SOS2: variants seen among roughly 807,000 people sequenced by gnomAD.
SOS2 encodes the protein SOS Ras/Rho guanine nucleotide exchange factor 2.
In SOS2, 65 loss-of-function variants were observed where a neutral mutation model predicts 148.2. That is an observed-to-expected ratio of 0.44 (90% CI 0.36 to 0.54). The LOEUF is 0.54. Ranked by LOEUF, SOS2 falls within the 20% of genes least tolerant of loss-of-function variation. The pLI, the probability that SOS2 is intolerant of heterozygous loss-of-function variation, is 0.00. For synonymous variants in SOS2, 539 were observed against 537.1 expected, an observed-to-expected ratio of 1.00 and a Z score of -0.05; for missense variants, 1,341 against 1,590.2, an observed-to-expected ratio of 0.84 and a Z score of 2.67.
chr14:50,153,324 C>T lies in SOS2; in HGVS notation c.2058-151G>A, dbSNP rs930864857. ...CTGTATTTAATTAATACTTTAAATG[C>T]TTCAATGACAAGAGGAGAGTAGGTC... On this transcript the variant is annotated intron_variant, in intron 12 of 22. Coordinates refer to ENST00000216373, the MANE Select transcript of SOS2 (RefSeq NM_006939.4). The T allele has an allele frequency of 1.7e-5, 8 of 460,406 alleles. No homozygotes were observed. In the South Asian group the frequency reaches 3.8e-4, roughly 22 times the overall value. The allele number at this position is 460,406 out of a possible 1,614,324, so 28.5% of individuals were successfully genotyped here.
chr14:50,139,965 T>C lies in SOS2; in HGVS notation c.2762A>G (p.Asn921Ser), dbSNP rs753057838. 17 of 1,581,510 alleles carry C rather than the reference T, an allele frequency of 1.1e-5. No homozygotes were observed. The highest frequency in any genetic ancestry group is 1.0e-4 in the Admixed American group (6 of 59,632). The change falls in exon 17 of 23, where the codon AAT (asparagine) becomes AGT (serine). Residue 921 changes from asparagine (N) to serine (S), a missense_variant. By Grantham distance (46) the Asn-to-Ser change is conservative. Around this residue, in one of 4 missense-constraint regions of SOS2, gnomAD observed 408 missense variants for 506.6 expected, o/e 0.81. Coordinates refer to ENST00000216373, the MANE Select transcript of SOS2 (RefSeq NM_006939.4). ...ACCAAAAAAAGGCACACAAGGTGGA[T>C]TGATTGACTTAAGTTTTACTAGGTA... ...KKYLVKLKSINPPCVPFFGIY... is the reference protein window; with the variant it reads ...KKYLVKLKSISPPCVPFFGIY...
intron 4 of SOS2, among the ~76,000 whole-genome samples, chr14:50,192,566 C>A (rs1011401873): frequency 1.3e-5 from 2 of 150,218 alleles, no homozygotes; most frequent in African/African-American, 4.9e-5. Flanking sequence ...TAAAAAAAAA[C>A]AAAAACAAAA....
chr14:50,168,841 C>A (rs992081331), intron 8 of SOS2, among the ~76,000 whole-genome samples: 2 of 152,056 alleles, frequency 1.3e-5, no homozygotes, highest in Non-Finnish European at 2.9e-5. Flanking sequence ...CAGTTTTAAC[C>A]CACTGTTTTA....
chr14:50,132,459 A>G (rs1028862802), intron 19 of SOS2, among the ~76,000 whole-genome samples: 3 of 151,772 alleles, frequency 2.0e-5, no homozygotes, highest in African/African-American at 7.3e-5. Flanking sequence ...TCAGGAGTAC[A>G]AGACATGCCT....
intron 6 of SOS2, among the ~76,000 whole-genome samples, chr14:50,181,423 G>A (rs1180990455): frequency 1.4e-5 from 2 of 143,890 alleles, no homozygotes; most frequent in African/African-American, 2.6e-5. Context: ...ACTCTAGAAT[G>A]GGTGACAGAG....
chr14:50,120,128 C>T (rs973819742), intron 22 of SOS2, 147 bp downstream of exon 22: 2 of 575,076 alleles, frequency 3.5e-6, no homozygotes, highest in South Asian at 2.4e-5. Context: ...GATTAAACAA[C>T]TAAAAGTATT....
chr14:50,144,717 C>T (rs796659198), intron 16 of SOS2, among the ~76,000 whole-genome samples: 2 of 152,094 alleles, frequency 1.3e-5, no homozygotes, highest in African/African-American at 2.4e-5. Flanking sequence ...GGATTACAGG[C>T]GTGAGCCACC....
chr14:50,188,078 T>G (rs1885979742), intron 5 of SOS2, among the ~76,000 whole-genome samples: 1 of 152,242 alleles, frequency 6.6e-6, no homozygotes, highest in Non-Finnish European at 1.5e-5. Flanking sequence ...TACATGAAAG[T>G]ATTTTTAATG....
At chr14:50,119,846 T>C (rs781229292) in intron 22 of SOS2, among the ~76,000 whole-genome samples, 11 of 117,948 alleles carry the variant, frequency 9.3e-5, no homozygotes, top group Non-Finnish European at 1.8e-4. Context: ...AGTTTTGCAA[T>C]TGTTGCCCAG....
At chr14:50,181,403 G>C (rs1312540744) in intron 6 of SOS2, among the ~76,000 whole-genome samples, 1 of 151,008 alleles carries the variant, frequency 6.6e-6, no homozygotes, top group Non-Finnish European at 1.5e-5. Context: ...AGACGAGATC[G>C]TGCCATTGCA....
At chr14:50,142,577 C>A (rs1336761501) in intron 16 of SOS2, among the ~76,000 whole-genome samples, 1 of 152,158 alleles carries the variant, frequency 6.6e-6, no homozygotes, top group African/African-American at 2.4e-5. Context: ...ATATTATAGT[C>A]ATTCTGAAGC....
chr14:50,118,929 C>G, intron 22 of SOS2, 76 bp from the exon 23 acceptor site: 1 of 933,466 alleles, frequency 1.1e-6, no homozygotes, highest in Non-Finnish European at 1.5e-6. Flanking sequence ...CTGAAAAATT[C>G]TTACTTGTCA....
intron 8 of SOS2, among the ~76,000 whole-genome samples, chr14:50,166,385 C>T (rs1421000611): frequency 6.6e-6 from 1 of 152,074 alleles, no homozygotes; most frequent in Non-Finnish European, 1.5e-5. Context: ...ATTGCCACCA[C>T]ATCCAGCTAA....
intron 18 of SOS2, among the ~76,000 whole-genome samples, chr14:50,135,245 A>G (rs1195124417): frequency 6.6e-6 from 1 of 151,900 alleles, no homozygotes; most frequent in Non-Finnish European, 1.5e-5. Context: ...GGGACTGCTT[A>G]AGCCCAGGAA....
chr14:50,189,168 A>T (rs1886032168), intron 4 of SOS2, among the ~76,000 whole-genome samples: 1 of 151,608 alleles, frequency 6.6e-6, no homozygotes, highest in Non-Finnish European at 1.5e-5. Flanking sequence ...AAAACCTAGA[A>T]TAAAAGGAAA....
intron 9 of SOS2, 47 bp from the exon 10 acceptor site, chr14:50,160,133 A>C: frequency 6.9e-6 from 10 of 1,442,176 alleles, no homozygotes; most frequent in Non-Finnish European, 9.5e-6. Flanking sequence ...AGCAACCCAA[A>C]TGGTTTCAAG....
chr14:50,164,373 G>C (rs1053534533), intron 8 of SOS2, among the ~76,000 whole-genome samples: 5 of 152,182 alleles, frequency 3.3e-5, no homozygotes, highest in Middle Eastern at 3.4e-3. Flanking sequence ...ATGGGAGGTA[G>C]AGAATACAGT....
intron 7 of SOS2, among the ~76,000 whole-genome samples, chr14:50,180,130 A>G (rs1009311135): frequency 4.0e-5 from 6 of 151,352 alleles, no homozygotes; most frequent in African/African-American, 1.2e-4. Flanking sequence ...TAGCCTCCTG[A>G]GTAGCTGGGA....
At chr14:50,180,713 G>C (rs1364001847) in intron 6 of SOS2, 31 bp from the exon 7 acceptor site, 1 of 1,230,046 alleles carries the variant, frequency 8.1e-7, no homozygotes, top group Admixed American at 2.0e-5. Flanking sequence ...AAAGCATTAG[G>C]TTTAAAAGAA....
Sources: gnomAD v4.1 joint callset for allele counts (sites outside exome capture counted in the v4.1 genomes callset) on GRCh38, gnomAD v4.1.1 for gene constraint, gnomAD v4.1.1 regional missense constraint, MANE v1.5 for transcripts, NCBI Gene and HGNC (gene_info 2026-07-23, HGNC 2026-07-21) for gene names.